The following ACACA variants were observed in gnomAD, a reference collection of about 807,000 sequenced individuals.
ACACA encodes acetyl-CoA carboxylase alpha.
ACACA carries 103 observed loss-of-function variants against 296.1 expected under a neutral mutation model. The observed-to-expected ratio is 0.35, with a 90% CI of 0.30 to 0.41. The LOEUF (loss-of-function observed/expected upper bound fraction) is 0.41. Among genes scored for constraint, ACACA ranks in the 10% least tolerant of loss-of-function variants. The pLI, the probability that ACACA is intolerant of heterozygous loss-of-function variation, is 1.00. For missense variants in ACACA, 1,554 were observed against 2,989.7 expected (o/e 0.52, Z 11.20); for synonymous variants, 953 against 1,038.6 (o/e 0.92, Z 1.58).
chr17:37,103,722 A>AACACAC lies in ACACA; in HGVS notation c.6566-5744_6566-5739dup, dbSNP rs3049593. ...AAGACCCTGTCTCTACAAACACACA[A>AACACAC]ACACACACACACACACACACACACA... is the stretch of plus-strand genomic sequence containing the variant. On this transcript the variant is annotated intron_variant, in intron 52 of 55. Transcript: ENST00000616317. Among the ~76,000 whole-genome samples the AACACAC allele has an allele frequency of 2.7e-4, 40 of 148,798 alleles. 1 individual carries two copies. In the South Asian group the frequency reaches 3.6e-3, roughly 13 times the overall value.
At position 37,248,580 on chromosome 17, in the gene ACACA, G is replaced by C. The variant is rs1488960147; in HGVS notation, c.2163+13C>G. On this transcript the variant is annotated intron_variant, in intron 17 of 55. Coordinates refer to ENST00000616317, the MANE Select transcript of ACACA (RefSeq NM_198834.3). ...AAAAAGTAAGGTGCAAGCTCCAATG[G>C]GGTTCTGCATACCTTAAGTACATAC... The C allele has an allele frequency of 6.3e-7, 1 of 1,575,186 alleles. No individual in the cohort carries two copies. Among genetic ancestry groups the C allele is most frequent in the South Asian group, 1.1e-5 (1 of 89,908 alleles).
intron 39 of ACACA, among the ~76,000 whole-genome samples, chr17:37,185,652 T>C (rs951023370): frequency 2.6e-4 from 39 of 152,094 alleles, no homozygotes; most frequent in African/African-American, 8.9e-4. Flanking sequence ...CACTACAACC[T>C]CCGCCTCCCG....
intron 8 of ACACA, 46 bp downstream of exon 8, chr17:37,275,905 T>C: frequency 6.7e-7 from 1 of 1,495,158 alleles, no homozygotes; most frequent in Non-Finnish European, 9.3e-7. Flanking sequence ...AATATCCTAC[T>C]GAGCTATTCT....
chr17:37,372,354 A>G (rs1025334244), intron 1 of ACACA, among the ~76,000 whole-genome samples: 2 of 149,970 alleles, frequency 1.3e-5, no homozygotes, highest in Admixed American at 6.7e-5. Flanking sequence ...CGGAGCTTGC[A>G]GTGAGCCGAG....
intron 1 of ACACA, among the ~76,000 whole-genome samples, chr17:37,393,144 CAAA>C (rs11286732): frequency 1.2e-5 from 1 of 82,422 alleles, no homozygotes; most frequent in Non-Finnish European, 2.5e-5. Flanking sequence ...AACTCCATCT[CAAA>C]AAAAAAAAAA....
intron 1 of ACACA, among the ~76,000 whole-genome samples, chr17:37,404,515 G>A (rs1428268574): frequency 6.6e-6 from 1 of 151,236 alleles, no homozygotes; most frequent in Non-Finnish European, 1.5e-5. Flanking sequence ...ACTTCACCAG[G>A]CAAAGGGCAA....
chr17:37,315,858 T>C (rs1274227618), intron 3 of ACACA, among the ~76,000 whole-genome samples: 1 of 152,154 alleles, frequency 6.6e-6, no homozygotes, highest in African/African-American at 2.4e-5. Context: ...GCATGGCTGA[T>C]TAAATCTCTG....
chr17:37,305,830 G>A (rs1289555449), intron 3 of ACACA, among the ~76,000 whole-genome samples: 3 of 151,840 alleles, frequency 2.0e-5, no homozygotes, highest in Non-Finnish European at 4.4e-5. Flanking sequence ...TGGGGAAAGG[G>A]GAATAGGAAC....
At chr17:37,350,643 C>A (rs2048855999) in intron 1 of ACACA, among the ~76,000 whole-genome samples, 1 of 152,146 alleles carries the variant, frequency 6.6e-6, no homozygotes, top group African/African-American at 2.4e-5. Flanking sequence ...AGTTTGAGAA[C>A]AGCCTGACCA....
chr17:37,118,887 C>T (rs759950330), intron 50 of ACACA, among the ~76,000 whole-genome samples: 2 of 152,140 alleles, frequency 1.3e-5, no homozygotes, highest in African/African-American at 2.4e-5. Flanking sequence ...TGTTACAGCG[C>T]GGCAGCCAAT....
chr17:37,181,763 G>C (rs1490798442), intron 39 of ACACA, among the ~76,000 whole-genome samples: 1 of 151,716 alleles, frequency 6.6e-6, no homozygotes, highest in Non-Finnish European at 1.5e-5. Flanking sequence ...AGCTGGGCGT[G>C]GTGGTGGGCG....
intron 49 of ACACA, among the ~76,000 whole-genome samples, chr17:37,122,121 A>G (rs1009034588): frequency 2.0e-5 from 3 of 152,118 alleles, no homozygotes; most frequent in African/African-American, 7.2e-5. Flanking sequence ...TGGGCCATGA[A>G]CCATGTCTCA....
rs753404505 is a variant in ACACA, at chr17:37,130,208, C to T, written c.5690G>A (p.Arg1897Gln). The T allele has an allele frequency of 1.2e-5, 19 of 1,613,986 alleles. No homozygotes were observed. In the Admixed American group the frequency reaches 1.8e-4, roughly 16 times the overall value. ...GAGALNKVLG[R>Q]EVYTSNNQLG... ...CTGGTTATTGGAGGTGTACACTTCC[C>T]GCCCGAGGACCTAGAGAAAAGAGCA... is the stretch of plus-strand genomic sequence containing the variant. Residue 1897 changes from arginine (R) to glutamine (Q), a missense_variant, in exon 46 of 56, where the codon CGG becomes CAG. This residue lies in a region of ACACA where 553 missense variants were observed against 1,043.6 expected (regional missense o/e 0.53). Coordinates refer to ENST00000616317, the MANE Select transcript of ACACA (RefSeq NM_198834.3).
chr17:37,400,586 T>C (rs539370209), intron 1 of ACACA, among the ~76,000 whole-genome samples: 2 of 152,236 alleles, frequency 1.3e-5, no homozygotes, highest in Admixed American at 6.5e-5. Context: ...TTGACTTTTT[T>C]AGATGCCACA....
chr17:37,339,479 T>C (rs2048287479), intron 2 of ACACA, among the ~76,000 whole-genome samples: 1 of 152,220 alleles, frequency 6.6e-6, no homozygotes, highest in Non-Finnish European at 1.5e-5. Flanking sequence ...CCAGCAACTG[T>C]ACTGAATAGT....
At chr17:37,291,143 T>TATACACACACACACACACAC (rs2083038810) in intron 3 of ACACA, among the ~76,000 whole-genome samples, 1 of 136,876 alleles carries the variant, frequency 7.3e-6, no homozygotes, top group African/African-American at 2.8e-5. Flanking sequence ...GAAAAACACA[T>TATACACACACACACACACAC]ACACACACAC....
intron 41 of ACACA, among the ~76,000 whole-genome samples, chr17:37,169,784 G>T (rs1285649491): frequency 6.6e-6 from 1 of 152,066 alleles, no homozygotes; most frequent in Non-Finnish European, 1.5e-5. Flanking sequence ...TCTTTTTGGG[G>T]GTCTTCTCTT....
At chr17:37,390,330 A>ATATATAATATATATATATATATC (rs1386032855) in intron 1 of ACACA, among the ~76,000 whole-genome samples, 1 of 41,592 alleles carries the variant, frequency 2.4e-5, no homozygotes, top group African/African-American at 1.3e-4. Context: ...ATATATATAT[A>ATATATAATATATATATATATATC]TATAAAAGGC....
intron 29 of ACACA, among the ~76,000 whole-genome samples, chr17:37,214,693 C>T (rs2145529877): frequency 6.6e-6 from 1 of 152,296 alleles, no homozygotes; most frequent in South Asian, 2.1e-4. Context: ...GCCACGGATA[C>T]AGGAAAGCAC....
Sources: allele counts gnomAD v4.1 joint callset (sites outside exome capture counted in the v4.1 genomes callset), GRCh38; gene constraint gnomAD v4.1.1; regional missense constraint gnomAD v4.1.1; transcripts MANE v1.5; gene names NCBI Gene and HGNC (gene_info 2026-07-23, HGNC 2026-07-21).